The following STON2 variants were observed in gnomAD, a reference collection of about 807,000 sequenced individuals.
STON2 encodes stonin-2.
A neutral mutation model predicts 65.7 loss-of-function variants in STON2; 29 were observed. The ratio of observed to expected loss-of-function variants is 0.44; its 90% CI spans 0.33 to 0.60. The LOEUF (loss-of-function observed/expected upper bound fraction) is 0.60, where lower values mean the gene tolerates loss of function less well. STON2 is among the 20% of genes least tolerant of loss of function. The probability of loss-of-function intolerance (pLI) is 0.03; values close to 1 mark genes in which losing one functional copy is unlikely to be tolerated. For synonymous variants in STON2, 404 were observed against 414.2 expected (o/e 0.98, Z 0.30); for missense variants, 1,054 against 1,118.1 (o/e 0.94, Z 0.82).
At chr14:81,333,706 A>C (rs1008487359) in intron 4 of STON2, among the ~76,000 whole-genome samples, 5 of 152,298 alleles carry the variant, frequency 3.3e-5, no homozygotes, top group Admixed American at 2.6e-4. Context: ...GGATACTGGC[A>C]AGTTACCCCA....
chr14:81,342,774 G>A (rs981907249), intron 4 of STON2, among the ~76,000 whole-genome samples: 5 of 152,154 alleles, frequency 3.3e-5, no homozygotes, highest in Non-Finnish European at 5.9e-5. Flanking sequence ...TAGAAGGGGG[G>A]GCATGGGGAC....
chr14:81,282,694 C>T (rs983443278), intron 5 of STON2, among the ~76,000 whole-genome samples: 2 of 152,074 alleles, frequency 1.3e-5, no homozygotes, highest in African/African-American at 4.8e-5. Context: ...ATGTTCCTTA[C>T]AAAATAAAGC....
chr14:81,404,897 A>G (rs920043596), upstream of STON2, among the ~76,000 whole-genome samples: 1 of 152,220 alleles, frequency 6.6e-6, no homozygotes, highest in Non-Finnish European at 1.5e-5. Flanking sequence ...CACAAGACAG[A>G]GAATTTTTCC....
chr14:81,281,899 A>G (rs1247947199), intron 5 of STON2, among the ~76,000 whole-genome samples: 1 of 152,142 alleles, frequency 6.6e-6, no homozygotes, highest in Non-Finnish European at 1.5e-5. Context: ...ATATCAAAAG[A>G]CTTTGTTACA....
rs1033087105 is a variant in STON2, at chr14:81,278,120, G to A, written c.1362C>T (p.Gly454=). ...GGTCATCATCAGGTAGAGTTGCACT[G>A]CCAAAGTGATCAGGGTCATCAATTT... ...QLQIDDPDHF[G]SATLPDDDPV... is the part of the protein sequence containing the mutation. Residue 454 remains glycine (G), a synonymous_variant, in exon 6 of 8, where the codon GGC becomes GGT. Transcript: ENST00000614646. 7 of 1,614,102 alleles carry A rather than the reference G, an allele frequency of 4.3e-6. No individual in the cohort carries two copies. The highest frequency in any genetic ancestry group is 2.7e-5 in the African/African-American group (2 of 74,934).
chr14:81,335,884 C>T (rs1193681802), intron 4 of STON2, among the ~76,000 whole-genome samples: 1 of 151,990 alleles, frequency 6.6e-6, no homozygotes, highest in Non-Finnish European at 1.5e-5. Flanking sequence ...GAGAGACAGA[C>T]AGATATACAC....
chr14:81,324,506 G>A (rs748506815), intron 4 of STON2, among the ~76,000 whole-genome samples: 3 of 152,232 alleles, frequency 2.0e-5, no homozygotes, highest in Non-Finnish European at 4.4e-5. Flanking sequence ...TGTTTCCTCC[G>A]AGTTAGAGTG....
At position 81,267,085 on chromosome 14, in the gene STON2, T is replaced by C; in HGVS notation, c.*1329A>G. The C allele has an allele frequency of 1.0e-6, 1 of 985,206 alleles. No homozygotes were observed. Among genetic ancestry groups the C allele is most frequent in the South Asian group, 4.7e-5 (1 of 21,274 alleles). 61.0% of individuals were successfully genotyped at this position (985,206 alleles called of 1,614,324 possible). A position where few individuals can be genotyped will look rare whatever the true frequency, so the allele number is the denominator to read the frequency against. On this transcript the variant is annotated 3_prime_UTR_variant, in exon 8 of 8. Coordinates refer to ENST00000614646, the MANE Select transcript of STON2 (RefSeq NM_001394390.1). ...AGATATTTTTCATTTCTGCATCATC[T>C]ACAAATCCAATGAAGTGTGCTTTCT...
intron 5 of STON2, among the ~76,000 whole-genome samples, chr14:81,319,919 T>C (rs1232654930): frequency 6.6e-6 from 1 of 152,208 alleles, no homozygotes; most frequent in African/African-American, 2.4e-5. Context: ...AAGGGGACCA[T>C]GTCCAGGGAA....
At chr14:81,355,443 A>C (rs1048461365) in intron 4 of STON2, among the ~76,000 whole-genome samples, 5 of 152,172 alleles carry the variant, frequency 3.3e-5, no homozygotes, top group Non-Finnish European at 7.3e-5. Flanking sequence ...ACTATAATCA[A>C]TTTCTCAGCA....
rs1189644722 is a variant in STON2, at chr14:81,262,478, T to C, written c.*5936A>G. On this transcript the variant is annotated 3_prime_UTR_variant, in exon 8 of 8. Transcript: ENST00000614646. ...TCCTGGAGCTTCTTACTTTTAACTTTAAGAGATGGCTTCTAGTTCAAGTAT... is the reference window on the plus strand; with the variant it reads ...TCCTGGAGCTTCTTACTTTTAACTTCAAGAGATGGCTTCTAGTTCAAGTAT... The C allele has an allele frequency of 1.0e-6, 1 of 984,848 alleles. No individual in the cohort carries two copies. Among genetic ancestry groups the C allele is most frequent in the African/African-American group, 1.7e-5 (1 of 57,252 alleles). 61.0% of individuals were successfully genotyped at this position (984,848 alleles called of 1,614,324 possible).
intron 4 of STON2, among the ~76,000 whole-genome samples, chr14:81,362,266 A>T (rs964226127): frequency 1.3e-5 from 2 of 152,340 alleles, no homozygotes; most frequent in South Asian, 2.1e-4. Flanking sequence ...GATGAAGAAA[A>T]TGTGGCATAC....
chr14:81,265,244 A>C lies in STON2; in HGVS notation c.*3170T>G. On this transcript the variant is annotated 3_prime_UTR_variant, in exon 8 of 8. Coordinates refer to ENST00000614646, the MANE Select transcript of STON2 (RefSeq NM_001394390.1). ...CCTAGTAAAACACTCATTACGTCTA[A>C]AAATATATAGTATTATTATCCCCAA... 2 of 984,152 alleles carry C rather than the reference A, an allele frequency of 2.0e-6. No individual in the cohort carries two copies. Among genetic ancestry groups the C allele is most frequent in the Non-Finnish European group, 2.4e-6 (2 of 828,792 alleles). 61.0% of individuals were successfully genotyped at this position (984,152 alleles called of 1,614,324 possible). A position where few individuals can be genotyped will look rare whatever the true frequency, so the allele number is the denominator to read the frequency against.
At chr14:81,305,306 G>A (rs1440833397) in intron 5 of STON2, among the ~76,000 whole-genome samples, 1 of 152,206 alleles carries the variant, frequency 6.6e-6, no homozygotes, top group Non-Finnish European at 1.5e-5. Context: ...AAGCGACTAT[G>A]CCAATTTACA....
At chr14:81,422,567 C>T (rs1901756943) in intron 2 of STON2, among the ~76,000 whole-genome samples, 2 of 151,718 alleles carry the variant, frequency 1.3e-5, no homozygotes, top group Admixed American at 1.3e-4. Context: ...TATGATAATA[C>T]AGAATATTAA....
chr14:81,376,009 A>AT (rs947935307), intron 3 of STON2, among the ~76,000 whole-genome samples: 1 of 151,768 alleles, frequency 6.6e-6, no homozygotes, highest in African/African-American at 2.4e-5. Flanking sequence ...ATTAGGAAAT[A>AT]TTTTGAATCA....
rs1332585121 is a variant in STON2 at position 81,263,478 on chromosome 14, C to T, written c.*4936G>A. Among the ~76,000 whole-genome samples, 2 of 129,954 alleles carry T rather than the reference C, an allele frequency of 1.5e-5. No homozygotes were observed. Among genetic ancestry groups the T allele is most frequent in the Non-Finnish European group, 3.1e-5 (2 of 64,956 alleles). 85.3% of individuals were successfully genotyped at this position (129,954 alleles called of 152,430 possible). On this transcript the variant is annotated 3_prime_UTR_variant, in exon 8 of 8. Coordinates refer to ENST00000614646, the MANE Select transcript of STON2 (RefSeq NM_001394390.1). ...ACTTGAACCCGGGAGGCGGAGGTTG[C>T]AGTGAGCCGATGTCGTGCCACTGCA... is the stretch of plus-strand genomic sequence containing the variant.
intron 4 of STON2, among the ~76,000 whole-genome samples, chr14:81,361,371 T>C (rs918209830): frequency 1.3e-5 from 2 of 152,084 alleles, no homozygotes; most frequent in Non-Finnish European, 2.9e-5. Context: ...TCATTTGATT[T>C]TTGACAAAGG....
intron 2 of STON2, among the ~76,000 whole-genome samples, chr14:81,422,753 G>A (rs931643879): frequency 2.0e-5 from 3 of 152,132 alleles, no homozygotes; most frequent in African/African-American, 7.2e-5. Flanking sequence ...AGACTTCCAG[G>A]CCAGGCACGG....
Sources: gnomAD v4.1 joint callset for allele counts (sites outside exome capture counted in the v4.1 genomes callset) on GRCh38, gnomAD v4.1.1 for gene constraint, MANE v1.5 for transcripts, NCBI Gene and HGNC (gene_info 2026-07-23, HGNC 2026-07-21) for gene names.